ZNF331: variants seen among roughly 807,000 people sequenced by gnomAD.
ZNF331 encodes C2H2-like zinc finger protein rearranged in thyroid adenomas.
A neutral mutation model predicts 7.0 loss-of-function variants in ZNF331; 2 were observed. The ratio of observed to expected loss-of-function variants is 0.29; its 90% CI spans 0.12 to 0.90. The LOEUF (loss-of-function observed/expected upper bound fraction) is 0.90, where lower values mean the gene tolerates loss of function less well. Among genes scored for constraint, ZNF331 ranks in the 40% least tolerant of loss-of-function variants. The pLI, the probability that ZNF331 is intolerant of heterozygous loss-of-function variation, is 0.58. For missense variants in ZNF331, 432 were observed against 587.7 expected, an observed-to-expected ratio of 0.74 and a Z score of 2.74; for synonymous variants, 196 against 205.4, an observed-to-expected ratio of 0.95 and a Z score of 0.39.
At chr19:53,547,217 G>T (rs2088672848) in intron 2 of ZNF331, among the ~76,000 whole-genome samples, 1 of 151,988 alleles carries the variant, frequency 6.6e-6, no homozygotes, top group Non-Finnish European at 1.5e-5. Flanking sequence ...CACCCTCCCA[G>T]GCCCTGACGA....
intron 3 of ZNF331, among the ~76,000 whole-genome samples, chr19:53,559,485 C>A (rs960520371): frequency 2.0e-5 from 3 of 147,816 alleles, no homozygotes; most frequent in African/African-American, 7.5e-5. Flanking sequence ...ATGCACACAC[C>A]ATATATATGC....
upstream of ZNF331, among the ~76,000 whole-genome samples, chr19:53,533,212 A>G (rs1456510028): frequency 2.0e-5 from 3 of 152,024 alleles, no homozygotes; most frequent in African/African-American, 7.2e-5. Flanking sequence ...ATTTATTTCA[A>G]AATATTTTTA....
intron 2 of ZNF331, chr19:53,554,678 C>T (rs2089256886): frequency 6.6e-6 from 1 of 152,236 alleles, no homozygotes; most frequent in South Asian, 2.1e-4. Flanking sequence ...CGCTGTGTCT[C>T]CGCCAGTCCG....
chr19:53,514,724 C>T (rs1265984229), upstream of ZNF331, among the ~76,000 whole-genome samples: 7 of 147,520 alleles, frequency 4.7e-5, no homozygotes, highest in Non-Finnish European at 8.9e-5. Context: ...GATCTCGGCT[C>T]GCTGCAAGCT....
Position 53,570,947 on chromosome 19 carries a change from A to G in ZNF331, c.10-657A>G, listed in dbSNP as rs1241932383. Among the ~76,000 whole-genome samples the G allele has an allele frequency of 2.1e-5, 3 of 139,546 alleles. No individual in the cohort carries two copies. The East Asian group carries it at 6.3e-4, about 29-fold the overall frequency. The allele number at this position is 139,546 out of a possible 152,430, so 91.5% of individuals were successfully genotyped here. A position where few individuals can be genotyped will look rare whatever the true frequency, so the allele number is the denominator to read the frequency against. ...TCTCCGCTCACTGCAAGCTCTGACC[A>G]CCCCGGGTTCATGCCATTCTCCTGC... is the stretch of plus-strand genomic sequence containing the variant. On this transcript the variant is annotated intron_variant, in intron 4 of 5. Coordinates refer to ENST00000449416, the MANE Select transcript of ZNF331 (RefSeq NM_001079906.2).
intron 2 of ZNF331, among the ~76,000 whole-genome samples, chr19:53,540,983 G>A (rs917983381): frequency 3.9e-5 from 6 of 152,156 alleles, no homozygotes; most frequent in Admixed American, 2.0e-4. Flanking sequence ...CAGCCCATTA[G>A]CAATTTTAGT....
At chr19:53,545,238 G>C (rs2088515603) in intron 2 of ZNF331, among the ~76,000 whole-genome samples, 1 of 151,996 alleles carries the variant, frequency 6.6e-6, no homozygotes, top group East Asian at 1.9e-4. Context: ...TCCTCCTCCT[G>C]GACCCATAAA....
At chr19:53,516,743 C>G (rs116102216), upstream of ZNF331, among the ~76,000 whole-genome samples, 220 of 152,304 alleles carry the variant, frequency 1.4e-3, no homozygotes, top group African/African-American at 5.0e-3. Context: ...TAACTCCTTA[C>G]AACTTGTGAA....
At chr19:53,509,107 G>C in the ZNF331 span, among the ~76,000 whole-genome samples, 2 of 152,282 alleles carry the variant, frequency 1.3e-5, no homozygotes, top group East Asian at 3.9e-4. Context: ...TGACAGGGCA[G>C]GTGCTGGGGG....
chr19:53,512,040 T>A, the ZNF331 span: 1 of 152,400 alleles, frequency 6.6e-6, no homozygotes, highest in Non-Finnish European at 1.5e-5. Context: ...GGGGCAGGTC[T>A]TTCTTCTGAC....
intron 2 of ZNF331, among the ~76,000 whole-genome samples, chr19:53,543,468 T>A (rs553639728): frequency 1.3e-5 from 2 of 151,846 alleles, no homozygotes; most frequent in South Asian, 2.1e-4. Flanking sequence ...TTCACCACGT[T>A]GGCCAGGCTG....
intron 3 of ZNF331, among the ~76,000 whole-genome samples, chr19:53,566,270 A>G (rs2090151178): frequency 6.6e-6 from 1 of 152,078 alleles, no homozygotes; most frequent in South Asian, 2.1e-4. Context: ...AGCTCACCAG[A>G]GTCTGCTGGT....
At chr19:53,522,741 A>ACTTT (rs1217155596) in intron 2 of ZNF331, 2 of 152,224 alleles carry the variant, frequency 1.3e-5, no homozygotes, top group East Asian at 3.9e-4. Flanking sequence ...AAGACTATTT[A>ACTTT]CTTTCCTTGG....
At chr19:53,524,705 T>C (rs1030959044) in intron 2 of ZNF331, among the ~76,000 whole-genome samples, 1 of 152,168 alleles carries the variant, frequency 6.6e-6, no homozygotes, top group South Asian at 2.1e-4. Context: ...TTTCTCCCAT[T>C]CTGTAGGTTG....
upstream of ZNF331, among the ~76,000 whole-genome samples, chr19:53,534,022 G>T (rs771849756): frequency 2.6e-5 from 4 of 152,210 alleles, no homozygotes; most frequent in Non-Finnish European, 5.9e-5. Context: ...AGGAAAATAT[G>T]CCAGGCATGG....
Position 53,571,934 on chromosome 19 carries a change from C to T in ZNF331, c.136+204C>T, listed in dbSNP as rs912075367. On this transcript the variant is annotated intron_variant, in intron 5 of 5. Coordinates refer to ENST00000449416, the MANE Select transcript of ZNF331 (RefSeq NM_001079906.2). This position sits in a 1 kb window ranked among gnomAD's most constrained non-coding sequence, Gnocchi z 4.7. Reference sequence around the variant, plus strand: ...ACCTTCCCACCTTTGTCGACTCCCCCGTAATCATCTCACTTCCTTAATGTC... The same window carrying T: ...ACCTTCCCACCTTTGTCGACTCCCCTGTAATCATCTCACTTCCTTAATGTC... Among the ~76,000 whole-genome samples, 1 of 152,166 alleles carries T rather than the reference C, an allele frequency of 6.6e-6. No homozygotes were observed. Among genetic ancestry groups the T allele is most frequent in the Non-Finnish European group, 1.5e-5 (1 of 68,032 alleles).
chr19:53,541,341 G>A (rs908070156), intron 2 of ZNF331, among the ~76,000 whole-genome samples: 3 of 152,000 alleles, frequency 2.0e-5, no homozygotes, highest in Admixed American at 6.6e-5. Context: ...CCCGACCTCA[G>A]GTGCTCTGCC....
rs2087952263 is a variant in ZNF331, at chr19:53,539,146, G to A, written c.-204-70G>A. On this transcript the variant is annotated intron_variant, in intron 1 of 5. Transcript: ENST00000449416. The surrounding 1 kb of genome is among the most constrained non-coding windows in gnomAD (Gnocchi z 6.1). The stretch of plus-strand genomic sequence containing the variant: ...AGGAATCTCCCAGAAACTCCATCTC[G>A]GGGCCTCGTATTTCTCATTGGTTTT... The A allele has an allele frequency of 6.6e-6, 1 of 152,122 alleles. No homozygotes were observed. The highest frequency in any genetic ancestry group is 6.6e-5 in the Admixed American group (1 of 15,262). The allele number at this position is 152,122 out of a possible 1,614,324, so 9.4% of individuals were successfully genotyped here.
upstream of ZNF331, among the ~76,000 whole-genome samples, chr19:53,517,444 A>C (rs1330621192): frequency 6.6e-6 from 1 of 152,194 alleles, no homozygotes; most frequent in African/African-American, 2.4e-5. Context: ...GGGCTTCAGC[A>C]GCTCAAAACG....
Sources: allele counts gnomAD v4.1 joint callset (sites outside exome capture counted in the v4.1 genomes callset), GRCh38; gene constraint gnomAD v4.1.1; non-coding constraint Gnocchi (gnomAD v3.1); transcripts MANE v1.5; gene names NCBI Gene and HGNC (gene_info 2026-07-23, HGNC 2026-07-21).